STXBP6: variants seen among roughly 807,000 people sequenced by gnomAD.
STXBP6 encodes the protein syntaxin-binding protein 6.
STXBP6 carries 21 observed loss-of-function variants against 26.9 expected under a neutral mutation model. The observed-to-expected ratio is 0.78, with a 90% CI of 0.55 to 1.12. The LOEUF is 1.12. Among genes scored for constraint, STXBP6 ranks in the 50% most tolerant of loss-of-function variants. The probability of loss-of-function intolerance (pLI) is 0.00; values close to 1 mark genes in which losing one functional copy is unlikely to be tolerated. For synonymous variants in STXBP6, 97 were observed against 92.6 expected, an observed-to-expected ratio of 1.05 and a Z score of -0.27; for missense variants, 232 against 257.9, an observed-to-expected ratio of 0.90 and a Z score of 0.69.
At chr14:25,015,186 A>T (rs939254696) in intron 1 of STXBP6, among the ~76,000 whole-genome samples, 1 of 152,224 alleles carries the variant, frequency 6.6e-6, no homozygotes, top group Non-Finnish European at 1.5e-5. Flanking sequence ...GATAACCATT[A>T]TCTTTTTCTC....
At chr14:24,942,591 G>A (rs1490323414) in intron 2 of STXBP6, among the ~76,000 whole-genome samples, 2 of 152,142 alleles carry the variant, frequency 1.3e-5, no homozygotes, top group Non-Finnish European at 2.9e-5. Context: ...CAAACAGCTG[G>A]TTATCTTGTC....
intron 1 of STXBP6, among the ~76,000 whole-genome samples, chr14:24,993,639 GCTTTATGATATTGGGACTAGAAGT>G (rs2074529090): frequency 6.6e-6 from 1 of 152,146 alleles, no homozygotes; most frequent in African/African-American, 2.4e-5. Context: ...TCTGTATTCT[GCTTTATGATATTGGGACTAGAAGT>G]CTTCAAACCA....
chr14:24,938,520 C>T (rs2072681507), intron 2 of STXBP6, among the ~76,000 whole-genome samples: 1 of 151,326 alleles, frequency 6.6e-6, no homozygotes, highest in Non-Finnish European at 1.5e-5. Context: ...TCAAAATCTA[C>T]ACCAAATACC....
At chr14:24,857,668 C>CA (rs1256951658) in intron 2 of STXBP6, among the ~76,000 whole-genome samples, 2 of 151,840 alleles carry the variant, frequency 1.3e-5, no homozygotes, top group Non-Finnish European at 2.9e-5. Flanking sequence ...ATCCCTAACT[C>CA]AAAAAATCCC....
chr14:24,845,292 A>C (rs141934274), intron 4 of STXBP6, among the ~76,000 whole-genome samples: 4 of 152,122 alleles, frequency 2.6e-5, no homozygotes, highest in Non-Finnish European at 5.9e-5. Flanking sequence ...GATTACAGGC[A>C]TGAGCCACCG....
intron 1 of STXBP6, among the ~76,000 whole-genome samples, chr14:25,033,070 C>G (rs2075488839): frequency 6.6e-6 from 1 of 152,094 alleles, no homozygotes; most frequent in African/African-American, 2.4e-5. Flanking sequence ...ACATGAGTGG[C>G]TATTATAAGT....
chr14:24,968,897 C>A (rs998731750), intron 2 of STXBP6, among the ~76,000 whole-genome samples: 2 of 152,154 alleles, frequency 1.3e-5, no homozygotes, highest in Non-Finnish European at 2.9e-5. Context: ...ACTTCTCAAC[C>A]TTATCTTCAG....
chr14:25,001,528 T>C (rs573691272), intron 1 of STXBP6, among the ~76,000 whole-genome samples: 2 of 152,356 alleles, frequency 1.3e-5, no homozygotes, highest in South Asian at 4.1e-4. Context: ...GCTCCACCAT[T>C]CTTCATTTCG....
At chr14:24,947,401 T>C (rs2073028431) in intron 2 of STXBP6, among the ~76,000 whole-genome samples, 1 of 152,138 alleles carries the variant, frequency 6.6e-6, no homozygotes, top group African/African-American at 2.4e-5. Context: ...GATGGAGAAG[T>C]AAATCAGAAA....
At chr14:25,039,163 C>T (rs936681605) in intron 1 of STXBP6, among the ~76,000 whole-genome samples, 4 of 151,722 alleles carry the variant, frequency 2.6e-5, no homozygotes, top group South Asian at 2.1e-4. Context: ...AAAATAAATA[C>T]AAAATTTTAA....
At chr14:25,015,008 GGCT>G (rs764882688) in intron 1 of STXBP6, among the ~76,000 whole-genome samples, 19 of 152,084 alleles carry the variant, frequency 1.2e-4, no homozygotes, top group Non-Finnish European at 2.1e-4. Context: ...CTCTATTGAT[GGCT>G]GCTTTTACAT....
At position 24,811,653 on chromosome 14, in the gene STXBP6, C is replaced by T. The variant is rs1265513430; in HGVS notation, c.*1056G>A. On this transcript the variant is annotated 3_prime_UTR_variant, in exon 6 of 6. Coordinates refer to ENST00000323944, the MANE Select transcript of STXBP6 (RefSeq NM_001394410.1). ...ATGAAATGCAATTTGTCAAGAAACTCACATATTAAATTACATTAAATAAAT... is the reference window on the plus strand; with the variant it reads ...ATGAAATGCAATTTGTCAAGAAACTTACATATTAAATTACATTAAATAAAT... 6.6e-6 allele frequency: 1 copy of T among 152,066 alleles called. No individual in the cohort carries two copies. Among genetic ancestry groups the T allele is most frequent in the East Asian group, 1.9e-4 (1 of 5,192 alleles). The allele number at this position is 152,066 out of a possible 1,614,324, so 9.4% of individuals were successfully genotyped here.
Position 24,810,871 on chromosome 14 carries a change from G to GTGTGTGTGTGTA in STXBP6, c.*1837_*1838insTACACACACACA, listed in dbSNP as rs1555303521. On this transcript the variant is annotated 3_prime_UTR_variant, in exon 6 of 6. Transcript: ENST00000323944. Reference sequence around the variant, plus strand: ...TGGAAAGATAAATACATCTCTGTGTGTGTGTGTGTGTGTGTGTGTGTGTGT... The same window carrying GTGTGTGTGTGTA: ...TGGAAAGATAAATACATCTCTGTGTGTGTGTGTGTGTATGTGTGTGTGTGTGTGTGTGTGTGT... 3.4e-4 allele frequency: 51 copies of GTGTGTGTGTGTA among 149,052 alleles called. No homozygotes were observed. The highest frequency in any genetic ancestry group is 1.3e-3 in the African/African-American group (51 of 39,542). 9.2% of individuals were successfully genotyped at this position (149,052 alleles called of 1,614,324 possible). A position where few individuals can be genotyped will look rare whatever the true frequency, so the allele number is the denominator to read the frequency against.
chr14:24,938,215 C>A (rs2072672121), intron 2 of STXBP6, among the ~76,000 whole-genome samples: 1 of 152,124 alleles, frequency 6.6e-6, no homozygotes. Flanking sequence ...GCAGTATGAA[C>A]CAAAATGTGT....
intron 1 of STXBP6, among the ~76,000 whole-genome samples, chr14:25,006,188 G>A (rs2074894176): frequency 6.6e-6 from 1 of 152,212 alleles, no homozygotes; most frequent in South Asian, 2.1e-4. Context: ...GATTCAAGCT[G>A]ATGGGCTCAG....
chr14:25,038,145 A>G (rs1020584961), intron 1 of STXBP6, among the ~76,000 whole-genome samples: 1 of 152,214 alleles, frequency 6.6e-6, no homozygotes, highest in African/African-American at 2.4e-5. Context: ...TCAAATGGTG[A>G]TAAGCGAAAG....
intron 4 of STXBP6, among the ~76,000 whole-genome samples, chr14:24,839,130 C>A (rs180915377): frequency 6.6e-6 from 1 of 152,122 alleles, no homozygotes; most frequent in Admixed American, 6.5e-5. Context: ...GTGAAAGTTG[C>A]ATTGTCTGTC....
chr14:25,011,701 A>C (rs1380230796), intron 1 of STXBP6, among the ~76,000 whole-genome samples: 1 of 152,174 alleles, frequency 6.6e-6, no homozygotes, highest in Admixed American at 6.5e-5. Context: ...TTAAGGCACC[A>C]TTATTCAGCT....
intron 2 of STXBP6, among the ~76,000 whole-genome samples, chr14:24,968,225 A>T (rs59957224): frequency 6.7e-6 from 1 of 148,942 alleles, no homozygotes; most frequent in Admixed American, 6.7e-5. Flanking sequence ...TTCCTTTTTC[A>T]CTGCTAATAC....
Sources: gnomAD v4.1 joint callset for allele counts (sites outside exome capture counted in the v4.1 genomes callset) on GRCh38, gnomAD v4.1.1 for gene constraint, MANE v1.5 for transcripts, NCBI Gene and HGNC (gene_info 2026-07-23, HGNC 2026-07-21) for gene names.